The following FBXL7 variants were observed in gnomAD, a reference collection of about 807,000 sequenced individuals.
FBXL7 encodes F-box/LRR-repeat protein 7.
A neutral mutation model predicts 38.3 loss-of-function variants in FBXL7; 12 were observed. The observed-to-expected ratio is 0.31, with a 90% CI of 0.20 to 0.51. The LOEUF (loss-of-function observed/expected upper bound fraction) is 0.51, where lower values mean the gene tolerates loss of function less well. Among genes scored for constraint, FBXL7 ranks in the 20% least tolerant of loss-of-function variants. The probability of loss-of-function intolerance (pLI) is 0.98; values close to 1 mark genes in which losing one functional copy is unlikely to be tolerated. For missense variants in FBXL7, 567 were observed against 676.4 expected (o/e 0.84, Z 1.79); for synonymous variants, 297 against 300.9 (o/e 0.99, Z 0.13).
At chr5:15,598,697 C>CAG (rs1344662856) in intron 1 of FBXL7, among the ~76,000 whole-genome samples, 1 of 151,994 alleles carries the variant, frequency 6.6e-6, no homozygotes, top group Non-Finnish European at 1.5e-5. Flanking sequence ...TGGTTATATC[C>CAG]AGAGAGAGAG....
chr5:15,589,207 G>A (rs2126478040), intron 1 of FBXL7, among the ~76,000 whole-genome samples: 1 of 152,186 alleles, frequency 6.6e-6, no homozygotes, highest in South Asian at 2.1e-4. Flanking sequence ...ATGCAGTGAG[G>A]GGTACATCAT....
At chr5:15,644,524 G>A (rs946301930) in intron 2 of FBXL7, among the ~76,000 whole-genome samples, 9 of 148,922 alleles carry the variant, frequency 6.0e-5, no homozygotes, top group Non-Finnish European at 1.3e-4. Flanking sequence ...GGTGGAACGT[G>A]GGTGGTGGGG....
At chr5:15,898,122 G>C (rs2126403400) in intron 2 of FBXL7, among the ~76,000 whole-genome samples, 1 of 152,120 alleles carries the variant, frequency 6.6e-6, no homozygotes, top group South Asian at 2.1e-4. Context: ...GTTTAGTATA[G>C]CTATTGCATC....
intron 2 of FBXL7, among the ~76,000 whole-genome samples, chr5:15,789,733 A>G (rs1476533836): frequency 1.3e-5 from 2 of 152,206 alleles, no homozygotes; most frequent in African/African-American, 2.4e-5. Context: ...ATTTGGAGCC[A>G]GTTCCCTGAC....
chr5:15,809,264 T>C (rs1236988252), intron 2 of FBXL7, among the ~76,000 whole-genome samples: 2 of 152,200 alleles, frequency 1.3e-5, no homozygotes, highest in Non-Finnish European at 2.9e-5. Context: ...CTGTGGGAAA[T>C]GTCCATGCCT....
intron 2 of FBXL7, among the ~76,000 whole-genome samples, chr5:15,626,982 A>C (rs1440079785): frequency 6.6e-6 from 1 of 152,208 alleles, no homozygotes; most frequent in East Asian, 1.9e-4. Context: ...GGTAGCACAG[A>C]GGATGATTCC....
intron 2 of FBXL7, among the ~76,000 whole-genome samples, chr5:15,876,549 T>C (rs900028907): frequency 6.6e-6 from 1 of 152,246 alleles, no homozygotes; most frequent in African/African-American, 2.4e-5. Context: ...TTAAGCTCCA[T>C]GTTCAAAGGT....
chr5:15,676,263 T>C (rs1561080786), intron 2 of FBXL7, among the ~76,000 whole-genome samples: 1 of 152,208 alleles, frequency 6.6e-6, no homozygotes, highest in Non-Finnish European at 1.5e-5. Context: ...AGATGTTTTT[T>C]AAGTAATGAG....
At chr5:15,554,524 T>C (rs1379683974) in intron 1 of FBXL7, among the ~76,000 whole-genome samples, 3 of 152,226 alleles carry the variant, frequency 2.0e-5, no homozygotes, top group Non-Finnish European at 4.4e-5. Flanking sequence ...TTTTGTCAGA[T>C]GAGAAAACCC....
At chr5:15,834,369 TCTGCCTATATATTCTTCTTATGCA>T (rs1362615841) in intron 2 of FBXL7, among the ~76,000 whole-genome samples, 1 of 152,252 alleles carries the variant, frequency 6.6e-6, no homozygotes, top group Non-Finnish European at 1.5e-5. Context: ...TTTTTTCTTC[TCTGCCTATATATTCTTCTTATGCA>T]CTTTTGAATC....
At chr5:15,676,920 A>G (rs1191957889) in intron 2 of FBXL7, among the ~76,000 whole-genome samples, 1 of 152,198 alleles carries the variant, frequency 6.6e-6, no homozygotes, top group Non-Finnish European at 1.5e-5. Context: ...CAAACACTCC[A>G]TACCTGCCAT....
intron 2 of FBXL7, among the ~76,000 whole-genome samples, chr5:15,893,629 A>G (rs543994409): frequency 7.9e-5 from 12 of 152,286 alleles, no homozygotes; most frequent in Non-Finnish European, 1.5e-4. Context: ...ACAAGGTCCA[A>G]TTAAAAAATA....
At chr5:15,659,028 T>C (rs1162021753) in intron 2 of FBXL7, among the ~76,000 whole-genome samples, 5 of 152,178 alleles carry the variant, frequency 3.3e-5, no homozygotes, top group Admixed American at 3.3e-4. Context: ...CATCCTGACT[T>C]TTAAGTTTCC....
chr5:15,819,755 A>G (rs1579491522), intron 2 of FBXL7, among the ~76,000 whole-genome samples: 1 of 152,190 alleles, frequency 6.6e-6, no homozygotes, highest in East Asian at 1.9e-4. Context: ...CCAAGAGGAC[A>G]CACCTGTGGC....
chr5:15,891,024 C>T lies in FBXL7; in HGVS notation c.128-36866C>T, dbSNP rs551735259. ...TCTAGCTTAATGATGGCCATATTAT[C>T]CTTAGTGTTTTCTCTGCATAATTTA... On this transcript the variant is annotated intron_variant, in intron 2 of 3. Coordinates refer to ENST00000504595, the MANE Select transcript of FBXL7 (RefSeq NM_012304.5). Among the ~76,000 whole-genome samples, 3 of 152,184 alleles carry T rather than the reference C, an allele frequency of 2.0e-5. No individual in the cohort carries two copies. The East Asian group carries it at 5.8e-4, about 29-fold the overall frequency.
intron 2 of FBXL7, among the ~76,000 whole-genome samples, chr5:15,849,561 T>G (rs1456456712): frequency 3.3e-5 from 5 of 152,218 alleles, no homozygotes; most frequent in Non-Finnish European, 7.3e-5. Context: ...AGTTCACTCT[T>G]GTCTGCCACC....
At chr5:15,780,348 C>T (rs939663326) in intron 2 of FBXL7, among the ~76,000 whole-genome samples, 1 of 151,728 alleles carries the variant, frequency 6.6e-6, no homozygotes, top group African/African-American at 2.4e-5. Flanking sequence ...ACCAAAAAAC[C>T]CCACTATACA....
At chr5:15,837,155 A>G (rs1455944955) in intron 2 of FBXL7, among the ~76,000 whole-genome samples, 1 of 152,372 alleles carries the variant, frequency 6.6e-6, no homozygotes, top group Middle Eastern at 3.4e-3. Context: ...TAAAGCCATT[A>G]TAACACTCAA....
intron 3 of FBXL7, among the ~76,000 whole-genome samples, chr5:15,932,307 C>A (rs145009865): frequency 1.3e-5 from 2 of 152,126 alleles, no homozygotes; most frequent in African/African-American, 4.8e-5. Flanking sequence ...CTGTCATTGT[C>A]GTTGTATTGT....
Sources: allele counts gnomAD v4.1 joint callset (sites outside exome capture counted in the v4.1 genomes callset), GRCh38; gene constraint gnomAD v4.1.1; transcripts MANE v1.5; gene names NCBI Gene and HGNC (gene_info 2026-07-23, HGNC 2026-07-21).